SLC24A2: variants seen among roughly 807,000 people sequenced by gnomAD.
The protein encoded by SLC24A2 is solute carrier family 24 member 2.
Under a neutral mutation model 62.0 loss-of-function variants are expected in SLC24A2, and 36 were observed. That is an observed-to-expected ratio of 0.58 (90% CI 0.44 to 0.77). SLC24A2 has a LOEUF of 0.77. SLC24A2 is among the 30% of genes least tolerant of loss of function. SLC24A2 has a pLI of 0.00. For missense variants in SLC24A2, 846 were observed against 817.9 expected (o/e 1.03, Z -0.42); for synonymous variants, 358 against 294.0 (o/e 1.22, Z -2.23).
At chr9:20,199,571 C>G in the SLC24A2 span, among the ~76,000 whole-genome samples, 2 of 151,850 alleles carry the variant, frequency 1.3e-5, no homozygotes, top group East Asian at 1.9e-4. Context: ...ATTCAAATAG[C>G]AGGATTTTCA....
At chr9:19,861,142 G>A in the SLC24A2 span, among the ~76,000 whole-genome samples, 1 of 152,182 alleles carries the variant, frequency 6.6e-6, no homozygotes, top group African/African-American at 2.4e-5. Flanking sequence ...ACCCAGTGCT[G>A]TGTTGGCTTT....
chr9:19,781,751 T>C (rs2118930515), intron 2 of SLC24A2, among the ~76,000 whole-genome samples: 1 of 152,344 alleles, frequency 6.6e-6, no homozygotes, highest in Non-Finnish European at 1.5e-5. Flanking sequence ...CATCTTTTTA[T>C]TTAATATAAG....
chr9:20,251,902 G>C, the SLC24A2 span, among the ~76,000 whole-genome samples: 15 of 152,148 alleles, frequency 9.9e-5, no homozygotes, highest in African/African-American at 3.6e-4. Flanking sequence ...AATGTCCAGA[G>C]GTAGAACGGG....
intron 7 of SLC24A2, among the ~76,000 whole-genome samples, chr9:19,558,208 C>T (rs570599418): frequency 1.3e-5 from 2 of 152,202 alleles, no homozygotes; most frequent in African/African-American, 2.4e-5. Context: ...AAATGAAGGG[C>T]AGACCTGGGG....
the SLC24A2 span, among the ~76,000 whole-genome samples, chr9:19,955,387 T>G: frequency 1.5e-4 from 23 of 151,786 alleles, no homozygotes; most frequent in Admixed American, 3.3e-4. Context: ...GTTTTTTTTT[T>G]TTTTGTTTTC....
the SLC24A2 span, among the ~76,000 whole-genome samples, chr9:20,116,073 T>G: frequency 6.6e-6 from 1 of 152,166 alleles, no homozygotes; most frequent in Non-Finnish European, 1.5e-5. Flanking sequence ...AGGGCAGAAG[T>G]TACTGGGAAT....
chr9:19,854,698 G>A, the SLC24A2 span, among the ~76,000 whole-genome samples: 1 of 152,152 alleles, frequency 6.6e-6, no homozygotes, highest in Admixed American at 6.6e-5. Context: ...GCTGAGGAAT[G>A]TTTTACTTCC....
the SLC24A2 span, among the ~76,000 whole-genome samples, chr9:20,233,820 C>G: frequency 3.3e-5 from 5 of 152,108 alleles, no homozygotes; most frequent in African/African-American, 7.2e-5. Context: ...TCTTCTTAGC[C>G]TTGATGGTCT....
At chr9:20,072,053 G>T in the SLC24A2 span, among the ~76,000 whole-genome samples, 1 of 152,076 alleles carries the variant, frequency 6.6e-6, no homozygotes, top group African/African-American at 2.4e-5. Context: ...CTGGCAGGTG[G>T]ATGAGTTGTT....
the SLC24A2 span, among the ~76,000 whole-genome samples, chr9:19,974,251 T>C: frequency 6.6e-6 from 1 of 152,178 alleles, no homozygotes; most frequent in Non-Finnish European, 1.5e-5. Context: ...TGAAATAATT[T>C]CTACTTGGAA....
At chr9:19,592,177 T>C (rs1836571663) in intron 5 of SLC24A2, among the ~76,000 whole-genome samples, 1 of 152,224 alleles carries the variant, frequency 6.6e-6, no homozygotes, top group African/African-American at 2.4e-5. Context: ...TAGGACCCCA[T>C]GATTCATGTA....
the SLC24A2 span, among the ~76,000 whole-genome samples, chr9:20,173,100 G>C: frequency 6.6e-6 from 1 of 152,010 alleles, no homozygotes; most frequent in Non-Finnish European, 1.5e-5. Flanking sequence ...CATCTCAACA[G>C]ATGCAGAAAA....
At chr9:19,896,878 T>C in the SLC24A2 span, among the ~76,000 whole-genome samples, 1 of 152,228 alleles carries the variant, frequency 6.6e-6, no homozygotes, top group Admixed American at 6.5e-5. Context: ...TTCAGTAAAA[T>C]GTCTTGTTAT....
At chr9:20,079,844 G>C in the SLC24A2 span, among the ~76,000 whole-genome samples, 1 of 152,036 alleles carries the variant, frequency 6.6e-6, no homozygotes, top group African/African-American at 2.4e-5. Context: ...AGACGATGGG[G>C]TTTTCTAGAT....
chr9:19,976,030 C>A, the SLC24A2 span, among the ~76,000 whole-genome samples: 1 of 152,078 alleles, frequency 6.6e-6, no homozygotes, highest in Non-Finnish European at 1.5e-5. Context: ...GCCCGTGGCA[C>A]CACACCCAGC....
At position 19,713,520 on chromosome 9, in the gene SLC24A2, C is replaced by T. The variant is rs148049692; in HGVS notation, c.930+72417G>A. 1.4e-4 allele frequency among the ~76,000 whole-genome samples: 22 copies of T among 152,224 alleles called. No individual in the cohort carries two copies. In the East Asian group the frequency reaches 1.5e-3, roughly 11 times the overall value. ...TATGCAAGTTTGAGACCTAAAATTGCGGTCATTTCATATCATCAAGAATCT... is the reference window on the plus strand; with the variant it reads ...TATGCAAGTTTGAGACCTAAAATTGTGGTCATTTCATATCATCAAGAATCT... On this transcript the variant is annotated intron_variant, in intron 2 of 10. Coordinates refer to ENST00000341998, the MANE Select transcript of SLC24A2 (RefSeq NM_020344.4).
chr9:19,798,122 AC>A, the SLC24A2 span, among the ~76,000 whole-genome samples: 2 of 152,238 alleles, frequency 1.3e-5, no homozygotes, highest in South Asian at 4.2e-4. Context: ...CACTTAATAA[AC>A]TAGTTTATTC....
At chr9:20,195,015 T>C in the SLC24A2 span, among the ~76,000 whole-genome samples, 9 of 152,188 alleles carry the variant, frequency 5.9e-5, no homozygotes, top group African/African-American at 1.7e-4. Flanking sequence ...TAGTTTCTTT[T>C]TGAACTTTTT....
chr9:20,111,648 G>C, the SLC24A2 span, among the ~76,000 whole-genome samples: 1 of 152,042 alleles, frequency 6.6e-6, no homozygotes. Flanking sequence ...GACCTACTGA[G>C]ACAGAATCTG....
Sources: gnomAD v4.1 joint callset for allele counts (sites outside exome capture counted in the v4.1 genomes callset) on GRCh38, gnomAD v4.1.1 for gene constraint, MANE v1.5 for transcripts, NCBI Gene and HGNC (gene_info 2026-07-23, HGNC 2026-07-21) for gene names.